Variants in ATRNL1 observed in about 807,000 individuals in gnomAD.
ATRNL1 encodes the protein attractin-like protein 1.
A neutral mutation model predicts 182.7 loss-of-function variants in ATRNL1; 95 were observed. The observed-to-expected ratio is 0.52, with a 90% CI of 0.44 to 0.62. The LOEUF is 0.62. Among genes scored for constraint, ATRNL1 ranks in the 20% least tolerant of loss-of-function variants. The probability of loss-of-function intolerance (pLI) is 0.00; values close to 1 mark genes in which losing one functional copy is unlikely to be tolerated. For synonymous variants in ATRNL1, 576 were observed against 568.3 expected (o/e 1.01, Z -0.19); for missense variants, 1,471 against 1,679.5 (o/e 0.88, Z 2.17).
intron 22 of ATRNL1, among the ~76,000 whole-genome samples, chr10:115,466,726 T>C (rs964113498): frequency 2.0e-5 from 3 of 151,060 alleles, no homozygotes; most frequent in African/African-American, 7.3e-5. Flanking sequence ...AAAATATGGG[T>C]TTAATAATAA....
chr10:115,926,680 G>C (rs556935527), intron 28 of ATRNL1, among the ~76,000 whole-genome samples: 2 of 152,118 alleles, frequency 1.3e-5, no homozygotes, highest in Non-Finnish European at 2.9e-5. Context: ...TAAATTCCTG[G>C]ACACATACAC....
At chr10:115,135,124 A>T (rs1343377425) in intron 5 of ATRNL1, among the ~76,000 whole-genome samples, 1 of 152,130 alleles carries the variant, frequency 6.6e-6, no homozygotes, top group South Asian at 2.1e-4. Context: ...GAAAACGGGC[A>T]CAAGACAGGG....
At position 115,413,924 on chromosome 10, in the gene ATRNL1, AAT is replaced by A. The variant is rs201200410; in HGVS notation, c.3270-12322_3270-12321del. 4.0e-3 allele frequency among the ~76,000 whole-genome samples: 609 copies of A among 152,176 alleles called. 2 individuals are homozygous for A. Among genetic ancestry groups the A allele is most frequent in the Non-Finnish European group, 6.8e-3 (461 of 67,950 alleles). On this transcript the variant is annotated intron_variant, in intron 20 of 28. Transcript: ENST00000355044. ...AATAATTTATTTATGTGCACATATAAATATACATATGTGCACATACATGCATA... is the reference window on the plus strand; with the variant it reads ...AATAATTTATTTATGTGCACATATAAATACATATGTGCACATACATGCATA...
chr10:115,407,431 C>T (rs1844884611), intron 20 of ATRNL1, among the ~76,000 whole-genome samples: 1 of 151,962 alleles, frequency 6.6e-6, no homozygotes, highest in Non-Finnish European at 1.5e-5. Context: ...CTTTTTACTT[C>T]TATGAGATCA....
chr10:115,641,241 C>G (rs1407473160), intron 26 of ATRNL1, among the ~76,000 whole-genome samples: 1 of 152,116 alleles, frequency 6.6e-6, no homozygotes, highest in African/African-American at 2.4e-5. Flanking sequence ...TTTTAAAATT[C>G]TTTGCCTATG....
At chr10:115,457,323 A>T (rs1554968919) in intron 21 of ATRNL1, among the ~76,000 whole-genome samples, 1 of 151,948 alleles carries the variant, frequency 6.6e-6, no homozygotes, top group African/African-American at 2.4e-5. Context: ...GCAGCATTCA[A>T]TTAGTTAAAA....
chr10:115,838,518 T>A (rs1950731383), intron 27 of ATRNL1, among the ~76,000 whole-genome samples: 1 of 152,184 alleles, frequency 6.6e-6, no homozygotes, highest in East Asian at 1.9e-4. Flanking sequence ...GCATAAGTTT[T>A]AGGTTGCATT....
At position 115,322,330 on chromosome 10, in the gene ATRNL1, T is replaced by A. The variant is rs140093329; in HGVS notation, c.3037+6594T>A. Among the ~76,000 whole-genome samples the A allele has an allele frequency of 4.8e-3, 735 of 151,868 alleles. 4 individuals carry two copies. The highest frequency in any genetic ancestry group is 0.017 in the African/African-American group (710 of 41,414). ...ATAGTTATAGCTTTTATTATATTAA[T>A]CTTTTTACCATTTCTGGTTTTCTTT... On this transcript the variant is annotated intron_variant, in intron 18 of 28. Transcript: ENST00000355044.
At chr10:115,847,794 C>T in intron 27 of ATRNL1, 83 bp from the exon 28 acceptor site, 1 of 750,986 alleles carries the variant, frequency 1.3e-6, no homozygotes, top group Admixed American at 2.0e-5. Flanking sequence ...TACAGCACAG[C>T]TACCTAAAGG....
chr10:115,922,917 C>T (rs1555119046), intron 28 of ATRNL1, among the ~76,000 whole-genome samples: 1 of 152,106 alleles, frequency 6.6e-6, no homozygotes, highest in East Asian at 1.9e-4. Flanking sequence ...GGAAAATACC[C>T]ATGCATGGTG....
At chr10:115,735,430 C>T (rs555271527) in intron 27 of ATRNL1, among the ~76,000 whole-genome samples, 1 of 152,172 alleles carries the variant, frequency 6.6e-6, no homozygotes, top group African/African-American at 2.4e-5. Flanking sequence ...CTTCATATCC[C>T]CAGGGAATAT....
At chr10:115,588,329 G>T (rs190232089) in intron 26 of ATRNL1, among the ~76,000 whole-genome samples, 37 of 152,172 alleles carry the variant, frequency 2.4e-4, no homozygotes, top group African/African-American at 8.2e-4. Flanking sequence ...AACCTGTGGG[G>T]GACACAATCT....
intron 2 of ATRNL1, 130 bp from the exon 3 acceptor site, chr10:115,121,569 T>C (rs555258646): frequency 3.3e-5 from 13 of 389,940 alleles, no homozygotes; most frequent in African/African-American, 2.5e-4. Flanking sequence ...TATAAACAGA[T>C]TTCTAATAAA....
At chr10:115,574,618 A>G (rs1376879357) in intron 26 of ATRNL1, among the ~76,000 whole-genome samples, 1 of 152,094 alleles carries the variant, frequency 6.6e-6, no homozygotes, top group Non-Finnish European at 1.5e-5. Context: ...ATCTACTTCA[A>G]TCTCAATCAC....
chr10:115,424,387 A>G (rs1175222631), intron 20 of ATRNL1, among the ~76,000 whole-genome samples: 4 of 152,202 alleles, frequency 2.6e-5, no homozygotes, highest in Non-Finnish European at 4.4e-5. Flanking sequence ...TTCTCCAAAA[A>G]TTAAAAACAG....
chr10:115,773,662 C>T (rs1475741670), intron 27 of ATRNL1, among the ~76,000 whole-genome samples: 1 of 152,160 alleles, frequency 6.6e-6, no homozygotes, highest in Non-Finnish European at 1.5e-5. Context: ...CTGGGGACCC[C>T]TGCACCTGCA....
intron 21 of ATRNL1, among the ~76,000 whole-genome samples, chr10:115,443,726 AC>A (rs1324276283): frequency 2.0e-5 from 3 of 152,056 alleles, no homozygotes; most frequent in Non-Finnish European, 4.4e-5. Context: ...CGCAATTTTT[AC>A]AAAGATAACA....
chr10:115,520,081 C>A (rs11197262), intron 25 of ATRNL1, among the ~76,000 whole-genome samples: 2,422 of 152,148 alleles, frequency 0.016, 58 homozygotes, highest in African/African-American at 0.055. Flanking sequence ...CATTTGGGTG[C>A]CTTTGTACAA....
intron 24 of ATRNL1, among the ~76,000 whole-genome samples, chr10:115,480,207 A>AACACACACACACACACAC (rs72119794): frequency 1.4e-4 from 20 of 146,750 alleles, no homozygotes; most frequent in African/African-American, 5.0e-4. Context: ...GAGTCATTTG[A>AACACACACACACACACAC]ACACACACAC....
Sources: gnomAD v4.1 joint callset for allele counts (sites outside exome capture counted in the v4.1 genomes callset) on GRCh38, gnomAD v4.1.1 for gene constraint, MANE v1.5 for transcripts, NCBI Gene and HGNC (gene_info 2026-07-23, HGNC 2026-07-21) for gene names.